Variants in COBLL1 observed in about 807,000 individuals in gnomAD.
COBLL1 encodes cordon-bleu WH2 repeat protein like 1.
COBLL1 carries 50 observed loss-of-function variants against 94.8 expected under a neutral mutation model. That is an observed-to-expected ratio of 0.53 (90% confidence interval 0.42 to 0.67). COBLL1 has a LOEUF of 0.67. COBLL1 is among the 30% of genes least tolerant of loss of function. The probability of loss-of-function intolerance (pLI) is 0.00; values close to 1 mark genes in which losing one functional copy is unlikely to be tolerated. For synonymous variants in COBLL1, 448 were observed against 473.8 expected, an observed-to-expected ratio of 0.95 and a Z score of 0.71; for missense variants, 1,362 against 1,348.7, an observed-to-expected ratio of 1.01 and a Z score of -0.15.
intron 7 of COBLL1, among the ~76,000 whole-genome samples, chr2:164,720,333 G>C (rs777091855): frequency 6.6e-6 from 1 of 152,044 alleles, no homozygotes; most frequent in Non-Finnish European, 1.5e-5. Flanking sequence ...AGCAGAGGGA[G>C]AGAATCAAAA....
Position 164,722,450 on chromosome 2 carries a change from T to C in COBLL1, c.734A>G (p.Gln245Arg). Residue 245 changes from glutamine to arginine, a missense_variant, in exon 6 of 14, where the codon CAA becomes CGA. Gln to Arg is a conservative substitution (Grantham distance 43). Transcript: ENST00000652658. The part of the protein sequence containing the change: ...KENKGFFSFF[Q>R]RSKKKRDQTA... ...TTGGTCTCGCTTTTTCTTACTGCGT[T>C]GAAAAAAACTGAAAAACCCTTTATT... 6.6e-7 allele frequency: 1 copy of C among 1,525,818 alleles called. No homozygotes were observed. Among genetic ancestry groups the C allele is most frequent in the Non-Finnish European group, 8.8e-7 (1 of 1,139,484 alleles). The allele number at this position is 1,525,818 out of a possible 1,614,324, so 94.5% of individuals were successfully genotyped here.
intron 2 of COBLL1, chr2:164,771,929 A>G (rs1056766541): frequency 5.3e-5 from 8 of 152,016 alleles, no homozygotes; most frequent in African/African-American, 1.9e-4. Context: ...TGTGTTAAAC[A>G]ATTCTATTAC....
chr2:164,734,963 C>A (rs1035059647), intron 3 of COBLL1, among the ~76,000 whole-genome samples: 2 of 152,150 alleles, frequency 1.3e-5, no homozygotes, highest in Non-Finnish European at 2.9e-5. Flanking sequence ...ACCCCAAGAA[C>A]GTAAAACTCT....
At chr2:164,671,846 A>G (rs948059830) in intron 1 of COBLL1, among the ~76,000 whole-genome samples, 2 of 151,966 alleles carry the variant, frequency 1.3e-5, no homozygotes, top group Admixed American at 6.6e-5. Context: ...GTCAATCTCA[A>G]TTCTCACCAG....
intron 2 of COBLL1, among the ~76,000 whole-genome samples, chr2:164,808,460 C>T (rs1256259490): frequency 1.3e-5 from 2 of 152,178 alleles, no homozygotes; most frequent in Admixed American, 1.3e-4. Flanking sequence ...ACATTTATAG[C>T]AGTCTATCTT....
At chr2:164,751,684 C>A (rs1687133814) in intron 2 of COBLL1, among the ~76,000 whole-genome samples, 1 of 152,052 alleles carries the variant, frequency 6.6e-6, no homozygotes, top group African/African-American at 2.4e-5. Context: ...CCACCAAATC[C>A]CCCCGCCAAT....
chr2:164,695,690 G>A lies in COBLL1; in HGVS notation c.1702C>T (p.His568Tyr). ...TAACTTATAGCAGTATCAGTTTCATGTGCCTCAGAGTTTGATGGTCTCTCA... is the reference window on the plus strand; with the variant it reads ...TAACTTATAGCAGTATCAGTTTCATATGCCTCAGAGTTTGATGGTCTCTCA... ...EVERPSNSEA[H>Y]ETDTAISYKE... is the part of the protein sequence containing the mutation. Residue 568 changes from histidine (H) to tyrosine (Y), a missense_variant, in exon 12 of 14, where the codon CAT becomes TAT. Physicochemically the swap from His to Tyr is moderately conservative, Grantham distance 83 (BLOSUM62 2). Transcript: ENST00000652658. The A allele has an allele frequency of 1.2e-6, 2 of 1,613,836 alleles. No homozygotes were observed. The highest frequency in any genetic ancestry group is 1.3e-5 in the African/African-American group (1 of 74,994).
At chr2:164,749,904 C>G (rs749293021) in intron 2 of COBLL1, among the ~76,000 whole-genome samples, 5 of 152,134 alleles carry the variant, frequency 3.3e-5, no homozygotes, top group Non-Finnish European at 7.3e-5. Context: ...CACTCAAGTC[C>G]TCTGTGAGGG....
At chr2:164,805,621 A>C (rs1275404587) in intron 2 of COBLL1, among the ~76,000 whole-genome samples, 1 of 151,800 alleles carries the variant, frequency 6.6e-6, no homozygotes. Flanking sequence ...TTCACTGAGT[A>C]ATATGCATTT....
At chr2:164,774,536 T>A (rs922017907) in intron 2 of COBLL1, among the ~76,000 whole-genome samples, 27 of 152,202 alleles carry the variant, frequency 1.8e-4, no homozygotes, top group Admixed American at 4.6e-4. Flanking sequence ...ACAGAAACTT[T>A]GATACAAAAT....
At chr2:164,828,752 C>T (rs1682907711) in intron 2 of COBLL1, among the ~76,000 whole-genome samples, 2 of 152,278 alleles carry the variant, frequency 1.3e-5, no homozygotes, top group South Asian at 4.1e-4. Flanking sequence ...TCTGACTTGG[C>T]ATAAAATATT....
At chr2:164,815,237 A>G (rs1684666784) in intron 2 of COBLL1, among the ~76,000 whole-genome samples, 2 of 151,942 alleles carry the variant, frequency 1.3e-5, no homozygotes, top group Admixed American at 6.6e-5. Context: ...CATGTCTACT[A>G]AAAATACAAA....
chr2:164,676,677 CTT>C (rs112492007), downstream of COBLL1, among the ~76,000 whole-genome samples: 12 of 146,470 alleles, frequency 8.2e-5, no homozygotes, highest in Admixed American at 2.1e-4. Flanking sequence ...CTTAACTCTG[CTT>C]TTTTTTTTTC....
chr2:164,795,828 G>A (rs894740119), intron 2 of COBLL1, among the ~76,000 whole-genome samples: 1 of 152,110 alleles, frequency 6.6e-6, no homozygotes, highest in Non-Finnish European at 1.5e-5. Context: ...TTTAAAAAGT[G>A]CATAAAGTTT....
At chr2:164,785,719 A>G (rs59676762) in intron 2 of COBLL1, among the ~76,000 whole-genome samples, 1,653 of 152,226 alleles carry the variant, frequency 0.011, 31 homozygotes, top group African/African-American at 0.038. Context: ...CAGTCATCAT[A>G]TAACTATTCT....
rs530202792 is a variant in COBLL1, at chr2:164,818,307, C to G, written c.41+22849G>C. On this transcript the variant is annotated intron_variant, in intron 2 of 13. Transcript: ENST00000652658. ...ATATATGTATGTATACATATGTATA[C>G]ATATACACGTGTGTATGTATACATA... Among the ~76,000 whole-genome samples the G allele has an allele frequency of 8.8e-5, 13 of 148,446 alleles. No homozygotes were observed. The East Asian group carries it at 2.6e-3, about 29-fold the overall frequency.
At chr2:164,743,507 T>A in intron 3 of COBLL1, 180 bp downstream of exon 3, 1 of 574,826 alleles carries the variant, frequency 1.7e-6, no homozygotes. Context: ...AGCACTGATA[T>A]TAAAACATTG....
intron 2 of COBLL1, among the ~76,000 whole-genome samples, chr2:164,753,461 A>AT (rs1349399456): frequency 6.6e-6 from 1 of 151,758 alleles, no homozygotes; most frequent in Non-Finnish European, 1.5e-5. Context: ...AAAAAAAAAA[A>AT]ATGCAGAGAT....
rs369847363 is a variant in COBLL1, at chr2:164,823,672, CCT to C, written c.41+17482_41+17483del. Among the ~76,000 whole-genome samples the C allele has an allele frequency of 1.4e-3, 216 of 152,240 alleles. 1 individual carries two copies. Among genetic ancestry groups the C allele is most frequent in the African/African-American group, 5.1e-3 (212 of 41,550 alleles). ...TCATAGATGACTTCTCGTTTTTTCCCCTGAGAACATCCCCTCTCTGGCATGTC... is the reference window on the plus strand; with the variant it reads ...TCATAGATGACTTCTCGTTTTTTCCCGAGAACATCCCCTCTCTGGCATGTC... On this transcript the variant is annotated intron_variant, in intron 2 of 13. Transcript: ENST00000652658.
Sources: gnomAD v4.1 joint callset for allele counts (sites outside exome capture counted in the v4.1 genomes callset) on GRCh38, gnomAD v4.1.1 for gene constraint, MANE v1.5 for transcripts, NCBI Gene and HGNC (gene_info 2026-07-23, HGNC 2026-07-21) for gene names.